CCDC179: variants seen among roughly 807,000 people sequenced by gnomAD.
CCDC179 encodes the protein coiled-coil domain-containing protein 179.
Under a neutral mutation model 12.0 loss-of-function variants are expected in CCDC179, and 17 were observed. That is an observed-to-expected ratio of 1.42 (90% confidence interval 0.97 to 2.13). The LOEUF (loss-of-function observed/expected upper bound fraction) is 2.13. CCDC179 is among the 30% of genes most tolerant of loss of function. The pLI is 0.00. For missense variants in CCDC179, 83 were observed against 78.6 expected (o/e 1.06, Z -0.21); for synonymous variants, 27 against 26.4 (o/e 1.02, Z -0.07).
chr11:22,859,452 C>A lies in CCDC179; in HGVS notation c.90G>T (p.Gln30His). Residue 30 changes from glutamine to histidine, a missense_variant and splice_region_variant, in exon 2 of 4, where the codon CAG becomes CAT. Coordinates refer to ENST00000532798, the MANE Select transcript of CCDC179 (RefSeq NM_001195637.2). ...ACCTAGTTCTTTATTTAAACATTAC[C>A]TGCCGCTCAGTGACCTCTGAAGGAT... ...QHHPSEVTER[Q>H]LANKRIQNMQ... 6.7e-7 allele frequency: 1 copy of A among 1,489,958 alleles called. No homozygotes were observed. The highest frequency in any genetic ancestry group is 8.9e-7 in the Non-Finnish European group (1 of 1,121,068). The allele number at this position is 1,489,958 out of a possible 1,614,324, so 92.3% of individuals were successfully genotyped here.
At chr11:22,847,644 A>T (rs1398661622) in intron 3 of CCDC179, 123 bp from the exon 4 acceptor site, 3 of 443,312 alleles carry the variant, frequency 6.8e-6, no homozygotes, top group Non-Finnish European at 1.1e-5. Context: ...TACAAGAAGT[A>T]TTATAAAAAA....
intron 2 of CCDC179, 101 bp downstream of exon 2, chr11:22,859,351 C>A: frequency 1.5e-6 from 1 of 673,810 alleles, no homozygotes; most frequent in South Asian, 4.2e-5. Flanking sequence ...GAAGTGTCTA[C>A]TTAATACAAG....
intron 3 of CCDC179, among the ~76,000 whole-genome samples, chr11:22,851,948 G>A (rs893979286): frequency 6.6e-6 from 1 of 152,134 alleles, no homozygotes; most frequent in Admixed American, 6.5e-5. Flanking sequence ...GTAGTGAAAG[G>A]GGAGAAGTAA....
At chr11:22,850,976 A>ATATATT (rs1554920538) in intron 3 of CCDC179, among the ~76,000 whole-genome samples, 2 of 6,124 alleles carry the variant, frequency 3.3e-4, no homozygotes, top group African/African-American at 6.1e-4. Flanking sequence ...ATATATATAT[A>ATATATT]TTTTTTTTTT....
intron 3 of CCDC179, among the ~76,000 whole-genome samples, chr11:22,850,875 T>G (rs1393590167): frequency 6.8e-6 from 1 of 146,248 alleles, no homozygotes; most frequent in African/African-American, 2.5e-5. Context: ...TTCTTTCCTA[T>G]ATCTCAAATT....
At chr11:22,857,864 A>C (rs2134850427) in intron 3 of CCDC179, 58 bp downstream of exon 3, 1 of 826,954 alleles carries the variant, frequency 1.2e-6, no homozygotes, top group South Asian at 2.1e-5. Flanking sequence ...ATGAATTAAA[A>C]TGATGATATC....
intron 3 of CCDC179, among the ~76,000 whole-genome samples, chr11:22,857,709 G>C (rs1858560401): frequency 6.6e-6 from 1 of 151,686 alleles, no homozygotes; most frequent in African/African-American, 2.4e-5. Context: ...TGGTTTCAAA[G>C]ATAATCCTCT....
intron 3 of CCDC179, among the ~76,000 whole-genome samples, chr11:22,856,533 A>C (rs1324978454): frequency 6.6e-6 from 1 of 151,524 alleles, no homozygotes; most frequent in Non-Finnish European, 1.5e-5. Flanking sequence ...AACATCTCTA[A>C]AATACCTAAA....
At chr11:22,848,489 A>AT (rs1202950975) in intron 3 of CCDC179, among the ~76,000 whole-genome samples, 3 of 152,058 alleles carry the variant, frequency 2.0e-5, no homozygotes, top group Non-Finnish European at 4.4e-5. Context: ...AAACAAAAAT[A>AT]TTTTTTCAAA....
intron 2 of CCDC179, among the ~76,000 whole-genome samples, chr11:22,858,826 A>G (rs1251325223): frequency 2.6e-5 from 4 of 152,102 alleles, no homozygotes; most frequent in African/African-American, 9.6e-5. Context: ...CACAATGTCC[A>G]TAAACAAGAG....
intron 3 of CCDC179, among the ~76,000 whole-genome samples, chr11:22,857,584 A>T (rs1228933316): frequency 1.3e-5 from 2 of 151,768 alleles, no homozygotes; most frequent in African/African-American, 4.8e-5. Flanking sequence ...AAGAGAACTA[A>T]TGTGACCTTA....
intron 3 of CCDC179, among the ~76,000 whole-genome samples, chr11:22,847,796 A>T (rs568131828): frequency 3.6e-4 from 55 of 152,314 alleles, no homozygotes; most frequent in African/African-American, 1.3e-3. Context: ...AAGTCATACA[A>T]CAAATACCGC....
intron 1 of CCDC179, 45 bp downstream of exon 1, chr11:22,860,331 CA>C (rs1281007832): frequency 6.5e-7 from 1 of 1,529,910 alleles, no homozygotes; most frequent in Non-Finnish European, 8.7e-7. Context: ...GCTCAAGGCA[CA>C]GGACAGAGTG....
intron 3 of CCDC179, among the ~76,000 whole-genome samples, chr11:22,853,857 A>T (rs1468863106): frequency 1.3e-5 from 2 of 152,058 alleles, no homozygotes; most frequent in Non-Finnish European, 2.9e-5. Flanking sequence ...AAAGCAGGAT[A>T]AACACCAGAT....
intron 3 of CCDC179, among the ~76,000 whole-genome samples, chr11:22,854,519 G>A (rs900642510): frequency 4.6e-5 from 7 of 151,674 alleles, no homozygotes; most frequent in African/African-American, 1.7e-4. Context: ...AATTATAAAT[G>A]TATAGTTCAA....
chr11:22,852,200 T>G (rs529653274), intron 3 of CCDC179, among the ~76,000 whole-genome samples: 1 of 152,338 alleles, frequency 6.6e-6, no homozygotes, highest in South Asian at 2.1e-4. Context: ...TGAAAAATTA[T>G]GACAGTAAAG....
intron 2 of CCDC179, among the ~76,000 whole-genome samples, chr11:22,858,637 A>C (rs2134852732): frequency 6.6e-6 from 1 of 152,188 alleles, no homozygotes; most frequent in African/African-American, 2.4e-5. Flanking sequence ...ATAAACTTGA[A>C]CAATTGCTTT....
intron 3 of CCDC179, among the ~76,000 whole-genome samples, chr11:22,848,856 T>C (rs1858300649): frequency 6.6e-6 from 1 of 152,164 alleles, no homozygotes; most frequent in African/African-American, 2.4e-5. Context: ...ATAGAGAAAT[T>C]GAGAGTAAAC....
intron 3 of CCDC179, among the ~76,000 whole-genome samples, chr11:22,851,354 A>C (rs919658990): frequency 6.6e-6 from 1 of 152,058 alleles, no homozygotes; most frequent in Non-Finnish European, 1.5e-5. Flanking sequence ...GAAAGGAGGA[A>C]GTTACAGAAA....
Sources: allele counts gnomAD v4.1 joint callset (sites outside exome capture counted in the v4.1 genomes callset), GRCh38; gene constraint gnomAD v4.1.1; transcripts MANE v1.5; gene names NCBI Gene and HGNC (gene_info 2026-07-23, HGNC 2026-07-21).